Variants in NSD2 observed in about 807,000 individuals in gnomAD.
The protein encoded by NSD2 is histone-lysine N-methyltransferase NSD2.
Under a neutral mutation model 139.0 loss-of-function variants are expected in NSD2, and 12 were observed. The observed-to-expected ratio is 0.09, with a 90% CI of 0.06 to 0.14. The LOEUF (loss-of-function observed/expected upper bound fraction) is 0.14. Ranked by LOEUF, NSD2 falls within the 10% of genes least tolerant of loss-of-function variation. The pLI is 1.00. For missense variants in NSD2, 1,155 were observed against 1,745.0 expected, an observed-to-expected ratio of 0.66 and a Z score of 6.02; for synonymous variants, 669 against 648.7, an observed-to-expected ratio of 1.03 and a Z score of -0.48.
chr4:1,950,275 A>G (rs1724070511), intron 9 of NSD2, among the ~76,000 whole-genome samples: 1 of 152,160 alleles, frequency 6.6e-6, no homozygotes, highest in South Asian at 2.1e-4. Context: ...GATTTCTATT[A>G]AATGAAGGGG....
At chr4:1,978,183 A>T (rs895486313) in intron 21 of NSD2, among the ~76,000 whole-genome samples, 4 of 152,220 alleles carry the variant, frequency 2.6e-5, no homozygotes, top group African/African-American at 9.6e-5. Flanking sequence ...TAAAGATGAC[A>T]CACGATAGAG....
intron 15 of NSD2, 44 bp from the exon 16 acceptor site, chr4:1,957,889 C>T: frequency 6.4e-7 from 1 of 1,552,486 alleles, no homozygotes; most frequent in South Asian, 1.1e-5. Context: ...AGGTAGTTAC[C>T]TGTATTTACT....
Position 1,974,679 on chromosome 4 carries a change from C to A in NSD2, c.3373-184C>A, listed in dbSNP as rs1164386290. 1.8e-5 allele frequency: 16 copies of A among 886,314 alleles called. No homozygotes were observed. Among genetic ancestry groups the A allele is most frequent in the Non-Finnish European group, 3.0e-5 (16 of 532,284 alleles). The allele number at this position is 886,314 out of a possible 1,614,324, so 54.9% of individuals were successfully genotyped here. On this transcript the variant is annotated intron_variant, in intron 18 of 21. Coordinates refer to ENST00000508803, the MANE Select transcript of NSD2 (RefSeq NM_001042424.3). The surrounding 1 kb of genome is among the most constrained non-coding windows in gnomAD (Gnocchi z 4.0). ...TCCTCTCCACGTGGTCCTGACCTGT[C>A]CTCTGTGAGCAAGAGAAACAGGACT...
rs115752502 is a variant in NSD2 at position 1,919,587 on chromosome 4, T to C, written c.1410+964T>C. Among the ~76,000 whole-genome samples the C allele has an allele frequency of 4.2e-3, 642 of 152,200 alleles. 6 individuals are homozygous for C. The highest frequency in any genetic ancestry group is 0.015 in the African/African-American group (616 of 41,522). On this transcript the variant is annotated intron_variant, in intron 5 of 21. Transcript: ENST00000508803. The stretch of plus-strand genomic sequence containing the variant: ...AGTGTTCATTTTAATTTTACTTCCA[T>C]AGGAATTTTCCATTCAGTAGTCTAA...
chr4:1,940,079 G>C (rs1249686903), intron 9 of NSD2: 14 of 1,255,116 alleles, frequency 1.1e-5, no homozygotes, highest in Admixed American at 3.5e-5. Flanking sequence ...GTTGTGTTCT[G>C]TGTAGCCCTC....
At position 1,934,878 on chromosome 4, in the gene NSD2, AATATATATATAT is replaced by A. The variant is rs1161633448; in HGVS notation, c.1556-246_1556-235del. 3.6e-4 allele frequency among the ~76,000 whole-genome samples: 8 copies of A among 22,060 alleles called. No individual in the cohort carries two copies. In the South Asian group the frequency reaches 7.7e-3, roughly 21 times the overall value. 14.5% of individuals were successfully genotyped at this position (22,060 alleles called of 152,430 possible). A position where few individuals can be genotyped will look rare whatever the true frequency, so the allele number is the denominator to read the frequency against. On this transcript the variant is annotated intron_variant, in intron 6 of 21. Transcript: ENST00000508803. ...AAAAAAAAAAAAAAAAAAAAAAAAA[AATATATATATAT>A]ATATATATATATATATATAAAAAAC...
intron 1 of NSD2, among the ~76,000 whole-genome samples, chr4:1,896,516 G>A (rs1191069491): frequency 6.6e-6 from 1 of 152,206 alleles, no homozygotes; most frequent in African/African-American, 2.4e-5. Flanking sequence ...CTGTAGATGT[G>A]CGCCAGTGTG....
At chr4:1,884,983 A>G (rs1438021442) in intron 1 of NSD2, among the ~76,000 whole-genome samples, 1 of 151,790 alleles carries the variant, frequency 6.6e-6, no homozygotes, top group Non-Finnish European at 1.5e-5. Flanking sequence ...GGTGGCGGCA[A>G]CCTGTAATCT....
Position 1,871,443 on chromosome 4 carries a change from G to GCCGCCC in NSD2, c.-126_-121dup, listed in dbSNP as rs1350106188. 1.4e-5 allele frequency: 2 copies of GCCGCCC among 144,796 alleles called. No homozygotes were observed. The highest frequency in any genetic ancestry group is 3.0e-5 in the Non-Finnish European group (2 of 65,580). The allele number at this position is 144,796 out of a possible 1,614,324, so 9.0% of individuals were successfully genotyped here. On this transcript the variant is annotated 5_prime_UTR_variant, in exon 1 of 22. Coordinates refer to ENST00000508803, the MANE Select transcript of NSD2 (RefSeq NM_001042424.3). ...TGGCCGCGCTGCGCCCGCCGCCGCC[G>GCCGCCC]CCGCCCCCTCCCCGCCTGGGCCCTA... is the stretch of plus-strand genomic sequence containing the variant.
At chr4:1,932,660 C>G (rs1026384683) in intron 6 of NSD2, among the ~76,000 whole-genome samples, 26 of 152,072 alleles carry the variant, frequency 1.7e-4, no homozygotes, top group African/African-American at 6.0e-4. Context: ...GCAGGAGAAT[C>G]GCTTGAACCT....
At chr4:1,894,913 A>C (rs1037971661) in intron 1 of NSD2, among the ~76,000 whole-genome samples, 1 of 152,138 alleles carries the variant, frequency 6.6e-6, no homozygotes, top group African/African-American at 2.4e-5. Context: ...TCTCAAACTG[A>C]AACTCTGTCC....
intron 18 of NSD2, among the ~76,000 whole-genome samples, chr4:1,965,430 A>G (rs1454363886): frequency 6.6e-6 from 1 of 152,240 alleles, no homozygotes. Flanking sequence ...CCAGATGGTG[A>G]AGAGAGAAAG....
intron 3 of NSD2, among the ~76,000 whole-genome samples, chr4:1,912,926 A>G (rs1577419715): frequency 6.6e-6 from 1 of 152,202 alleles, no homozygotes; most frequent in Non-Finnish European, 1.5e-5. Flanking sequence ...CCCAGGTGCC[A>G]AGGCAAGAGA....
rs926060029 is a variant in NSD2, at chr4:1,920,878, A to T, written c.1410+2255A>T. ...AAACCCTGTCTCTAAAAAAAAAAAA[A>T]TTTTTTTTAATTAGCCAGATGTGAT... On this transcript the variant is annotated intron_variant, in intron 5 of 21. Transcript: ENST00000508803. Among the ~76,000 whole-genome samples the T allele has an allele frequency of 7.4e-4, 112 of 151,220 alleles. No homozygotes were observed. In the East Asian group the frequency reaches 0.01, roughly 14 times the overall value.
At chr4:1,954,348 T>C (rs1724592848) in intron 12 of NSD2, among the ~76,000 whole-genome samples, 2 of 151,956 alleles carry the variant, frequency 1.3e-5, no homozygotes, top group South Asian at 4.2e-4. Context: ...CTTGAACTAT[T>C]AGGCCACTGC....
At chr4:1,926,684 T>C (rs1720955110) in intron 5 of NSD2, among the ~76,000 whole-genome samples, 1 of 152,152 alleles carries the variant, frequency 6.6e-6, no homozygotes, top group Admixed American at 6.6e-5. Context: ...TTGGCTAGGC[T>C]GGTCTCAAAC....
At chr4:1,909,709 C>T (rs748953829) in intron 3 of NSD2, among the ~76,000 whole-genome samples, 1 of 151,160 alleles carries the variant, frequency 6.6e-6, no homozygotes, top group Non-Finnish European at 1.5e-5. Context: ...GGTATGATCT[C>T]GGCTCACTGC....
Position 1,972,909 on chromosome 4 carries a change from G to T in NSD2, c.3373-1954G>T, listed in dbSNP as rs945557057. ...ACTCTGTCGCCTAGGCTGGAGTTCA[G>T]TGGCACAATCTCAGCTCACTGCACC... On this transcript the variant is annotated intron_variant, in intron 18 of 21. Coordinates refer to ENST00000508803, the MANE Select transcript of NSD2 (RefSeq NM_001042424.3). The surrounding 1 kb of genome is among the most constrained non-coding windows in gnomAD (Gnocchi z 4.0). 3.3e-5 allele frequency among the ~76,000 whole-genome samples: 5 copies of T among 152,108 alleles called. No homozygotes were observed. Among genetic ancestry groups the T allele is most frequent in the African/African-American group, 1.2e-4 (5 of 41,406 alleles).
chr4:1,885,642 CT>C (rs1715029536), intron 1 of NSD2, among the ~76,000 whole-genome samples: 1 of 151,776 alleles, frequency 6.6e-6, no homozygotes, highest in African/African-American at 2.4e-5. Context: ...GCTCTGGGTC[CT>C]TGAGCCTAGC....
Sources: gnomAD v4.1 joint callset for allele counts (sites outside exome capture counted in the v4.1 genomes callset) on GRCh38, gnomAD v4.1.1 for gene constraint, Gnocchi (gnomAD v3.1) non-coding constraint, MANE v1.5 for transcripts, NCBI Gene and HGNC (gene_info 2026-07-23, HGNC 2026-07-21) for gene names.